The following TTC9C variants were observed in gnomAD, a reference collection of about 807,000 sequenced individuals.
TTC9C encodes the protein tetratricopeptide repeat domain 9C.
A neutral mutation model predicts 22.5 loss-of-function variants in TTC9C; 15 were observed. That is an observed-to-expected ratio of 0.67 (90% CI 0.45 to 1.03). The LOEUF is 1.03. Among genes scored for constraint, TTC9C ranks in the 50% least tolerant of loss-of-function variants. The pLI is 0.00. For synonymous variants in TTC9C, 92 were observed against 86.8 expected, an observed-to-expected ratio of 1.06 and a Z score of -0.33; for missense variants, 244 against 214.6, an observed-to-expected ratio of 1.14 and a Z score of -0.86.
chr11:62,728,704 A>G lies in TTC9C; in HGVS notation c.-145A>G. ...CTTTCAGTAGAAACAAGCAAACCGC[A>G]GGTCCCTGTGGGGGGACTCTCCAGG... On this transcript the variant is annotated 5_prime_UTR_variant, in exon 1 of 3. Coordinates refer to ENST00000316461, the MANE Select transcript of TTC9C (RefSeq NM_173810.4). The G allele has an allele frequency of 1.3e-6, 1 of 788,086 alleles. No homozygotes were observed. The highest frequency in any genetic ancestry group is 2.2e-6 in the Non-Finnish European group (1 of 460,458). 48.8% of individuals were successfully genotyped at this position (788,086 alleles called of 1,614,324 possible). A position where few individuals can be genotyped will look rare whatever the true frequency, so the allele number is the denominator to read the frequency against.
At chr11:62,735,679 T>G (rs1348280028) in intron 2 of TTC9C, 115 bp downstream of exon 2, 8 of 1,418,026 alleles carry the variant, frequency 5.6e-6, no homozygotes, top group South Asian at 1.6e-5. Context: ...AGTAATACAT[T>G]CACATGGTTG....
At chr11:62,730,881 T>A (rs1296834404) in intron 1 of TTC9C, among the ~76,000 whole-genome samples, 2 of 140,240 alleles carry the variant, frequency 1.4e-5, no homozygotes, top group East Asian at 4.3e-4. Flanking sequence ...CCTTATTTTT[T>A]ATTTTATTTA....
intron 1 of TTC9C, among the ~76,000 whole-genome samples, chr11:62,729,770 T>C (rs1358160272): frequency 9.9e-5 from 15 of 151,972 alleles, no homozygotes; most frequent in Admixed American, 9.8e-4. Flanking sequence ...GAGACGGGGT[T>C]TCATAATATT....
At chr11:62,729,874 C>T (rs973590385) in intron 1 of TTC9C, among the ~76,000 whole-genome samples, 2 of 152,130 alleles carry the variant, frequency 1.3e-5, no homozygotes, top group East Asian at 1.9e-4. Context: ...CCGCACCCAG[C>T]CCCAGTTTGC....
chr11:62,735,724 C>A, intron 2 of TTC9C, 160 bp downstream of exon 2: 2 of 1,291,652 alleles, frequency 1.5e-6, no homozygotes, highest in Non-Finnish European at 2.0e-6. Flanking sequence ...GATGAACAGA[C>A]CTTTTTCCAC....
chr11:62,732,649 G>C (rs2083865623), intron 1 of TTC9C, among the ~76,000 whole-genome samples: 1 of 150,056 alleles, frequency 6.7e-6, no homozygotes, highest in African/African-American at 2.5e-5. Context: ...GGCCAGGTGC[G>C]GTGGCTCACG....
intron 1 of TTC9C, among the ~76,000 whole-genome samples, chr11:62,731,806 C>T (rs1456535579): frequency 1.3e-5 from 2 of 151,234 alleles, no homozygotes; most frequent in Non-Finnish European, 2.9e-5. Context: ...CCCAACCTCC[C>T]GAATAGCTGG....
intron 2 of TTC9C, 98 bp from the exon 3 acceptor site, chr11:62,738,190 A>T (rs2083932962): frequency 1.0e-5 from 7 of 676,618 alleles, no homozygotes; most frequent in African/African-American, 1.8e-5. Flanking sequence ...GAGAGATTTT[A>T]AAATGGGAGC....
intron 1 of TTC9C, among the ~76,000 whole-genome samples, chr11:62,730,051 T>C (rs576841443): frequency 1.3e-5 from 2 of 152,278 alleles, no homozygotes; most frequent in African/African-American, 4.8e-5. Flanking sequence ...ATTCAGTGGG[T>C]CGTATAGCTT....
rs1054335751 is a variant in TTC9C at position 62,735,507 on chromosome 11, C to T, written c.364C>T (p.Gln122Ter). ...GGCCGGAGTGGCCTTTTTCCATCTG[C>T]AGGACTATGACCAGGCCCGCCACTA... ...YRAGVAFFHL[Q>*]DYDQARHYLL... is the part of the protein sequence containing the mutation. The change falls in exon 2 of 3, where the codon CAG becomes TAG. Residue 122 changes from glutamine to a stop codon, truncating the protein, a stop_gained. Coordinates refer to ENST00000316461, the MANE Select transcript of TTC9C (RefSeq NM_173810.4). LOFTEE classifies it high-confidence loss of function. 46 of 1,613,802 alleles carry T rather than the reference C, an allele frequency of 2.9e-5. No homozygotes were observed. The highest frequency in any genetic ancestry group is 3.7e-5 in the Non-Finnish European group (44 of 1,179,990).
chr11:62,734,912 T>A (rs1158401121), intron 1 of TTC9C, among the ~76,000 whole-genome samples: 1 of 152,260 alleles, frequency 6.6e-6, no homozygotes, highest in African/African-American at 2.4e-5. Context: ...TTGTTTTGTT[T>A]TGAGACAAAG....
At chr11:62,733,312 A>T (rs989745234) in intron 1 of TTC9C, 3 of 469,602 alleles carry the variant, frequency 6.4e-6, no homozygotes, top group Non-Finnish European at 1.0e-5. Context: ...CAAATTTCAT[A>T]TTCCACCTAG....
chr11:62,732,649 G>A (rs2083865623), intron 1 of TTC9C, among the ~76,000 whole-genome samples: 1 of 150,056 alleles, frequency 6.7e-6, no homozygotes, highest in Non-Finnish European at 1.5e-5. Context: ...GGCCAGGTGC[G>A]GTGGCTCACG....
In TTC9C at chr11:62,728,569, A is replaced by G; in HGVS notation, c.-280A>G. On this transcript the variant is annotated 5_prime_UTR_variant, in exon 1 of 3. Coordinates refer to ENST00000316461, the MANE Select transcript of TTC9C (RefSeq NM_173810.4). Reference sequence around the variant, plus strand: ...TTCGGAAAGTCTCATCCACCCCCACATCGCCTCTTTAGGAAGTCACTTAAT... The same window carrying G: ...TTCGGAAAGTCTCATCCACCCCCACGTCGCCTCTTTAGGAAGTCACTTAAT... 2 of 552,200 alleles carry G rather than the reference A, an allele frequency of 3.6e-6. No individual in the cohort carries two copies. The highest frequency in any genetic ancestry group is 6.9e-6 in the Non-Finnish European group (2 of 290,132). The allele number at this position is 552,200 out of a possible 1,614,324, so 34.2% of individuals were successfully genotyped here. A position where few individuals can be genotyped will look rare whatever the true frequency, so the allele number is the denominator to read the frequency against.
chr11:62,735,468 A>G lies in TTC9C; in HGVS notation c.325A>G (p.Lys109Glu). The G allele has an allele frequency of 6.2e-7, 1 of 1,614,126 alleles. No homozygotes were observed. Among genetic ancestry groups the G allele is most frequent in the African/African-American group, 1.3e-5 (1 of 75,024 alleles). The stretch of plus-strand genomic sequence containing the variant: ...CCTGGAACGACAGCCTGATAATGCC[A>G]AGGCCTTGTATCGGGCCGGAGTGGC... The part of the protein sequence containing the change: ...KVLERQPDNA[K>E]ALYRAGVAFF... The change falls in exon 2 of 3, where the codon AAG becomes GAG. Residue 109 changes from lysine to glutamate, a missense_variant. Coordinates refer to ENST00000316461, the MANE Select transcript of TTC9C (RefSeq NM_173810.4).
intron 1 of TTC9C, among the ~76,000 whole-genome samples, chr11:62,732,612 CA>C (rs34178732): frequency 1.8e-4 from 25 of 138,622 alleles, no homozygotes; most frequent in East Asian, 4.3e-4. Context: ...AACTCCGTCT[CA>C]AAAAAAAAAA....
rs1017082878 is a variant in TTC9C at position 62,733,067 on chromosome 11, T to C, written c.239-2315T>C. On this transcript the variant is annotated intron_variant, in intron 1 of 2. Transcript: ENST00000316461. The stretch of plus-strand genomic sequence containing the variant: ...TTAATGTGCTCATCACTGCTGATTC[T>C]TGATCTTTCTCAGCACCATGATTTA... 6 of 1,139,310 alleles carry C rather than the reference T, an allele frequency of 5.3e-6. 1 individual carries two copies. The allele number at this position is 1,139,310 out of a possible 1,614,324, so 70.6% of individuals were successfully genotyped here.
intron 2 of TTC9C, among the ~76,000 whole-genome samples, chr11:62,737,641 C>T (rs1369380008): frequency 6.6e-6 from 1 of 152,164 alleles, no homozygotes; most frequent in African/African-American, 2.4e-5. Context: ...TGTTTCTCAG[C>T]ATCCAATACA....
At position 62,738,293 on chromosome 11, in the gene TTC9C, A is replaced by G; in HGVS notation, c.427A>G (p.Asn143Asp). ...CTTCTCCATCATCTTCCAAGATGCC[A>G]ACGTCCGGCGGTACCTCCAGCTGAC... ...AAVNRQPKDA[N>D]VRRYLQLTQS... is the part of the protein sequence containing the mutation. Residue 143 changes from asparagine to aspartate, a missense_variant, in exon 3 of 3, where the codon AAC becomes GAC. Physicochemically the swap from Asn to Asp is conservative, Grantham distance 23. Transcript: ENST00000316461. The G allele has an allele frequency of 6.2e-7, 1 of 1,610,710 alleles. No individual in the cohort carries two copies. Among genetic ancestry groups the G allele is most frequent in the South Asian group, 1.1e-5 (1 of 90,724 alleles).
Sources: allele counts gnomAD v4.1 joint callset (sites outside exome capture counted in the v4.1 genomes callset), GRCh38; gene constraint gnomAD v4.1.1; transcripts MANE v1.5; gene names NCBI Gene and HGNC (gene_info 2026-07-23, HGNC 2026-07-21).